Variants in TCAIM observed in about 807,000 individuals in gnomAD.
TCAIM encodes the protein T cell activation inhibitor, mitochondrial.
TCAIM carries 36 observed loss-of-function variants against 58.6 expected under a neutral mutation model. The observed-to-expected ratio is 0.61, with a 90% CI of 0.47 to 0.81. The LOEUF (loss-of-function observed/expected upper bound fraction) is 0.81. TCAIM is among the 30% of genes least tolerant of loss of function. The probability of loss-of-function intolerance (pLI) is 0.00; values close to 1 mark genes in which losing one functional copy is unlikely to be tolerated. For missense variants in TCAIM, 466 were observed against 579.6 expected (o/e 0.80, Z 2.01); for synonymous variants, 172 against 193.6 (o/e 0.89, Z 0.93).
intron 5 of TCAIM, among the ~76,000 whole-genome samples, chr3:44,387,773 G>A (rs972444844): frequency 2.6e-5 from 4 of 152,184 alleles, no homozygotes; most frequent in African/African-American, 9.7e-5. Flanking sequence ...CTCAGGCAAA[G>A]ACACTACCAA....
chr3:44,354,028 A>G (rs993039047), intron 1 of TCAIM, among the ~76,000 whole-genome samples: 4 of 152,092 alleles, frequency 2.6e-5, no homozygotes, highest in Admixed American at 6.6e-5. Context: ...CTCTTTTGTT[A>G]TCTTCTAGGA....
chr3:44,370,954 C>G (rs1425023696), intron 5 of TCAIM, among the ~76,000 whole-genome samples: 1 of 149,660 alleles, frequency 6.7e-6, no homozygotes, highest in Non-Finnish European at 1.5e-5. Context: ...CTCTGTTGCC[C>G]AGGCTGGAGT....
In TCAIM at chr3:44,361,443, C is replaced by G; in HGVS notation, c.244C>G (p.Pro82Ala). ...GAAACCAGGCTTCAAGTCTTTGAAA[C>G]CAACTCAGCTTACATTTTATGTAAG... The part of the protein sequence containing the change: ...LQKPGFKSLK[P>A]TQLTFYVRET... Residue 82 changes from proline to alanine, a missense_variant, in exon 4 of 11, where the codon CCA becomes GCA. Pro to Ala is a conservative substitution (Grantham distance 27). Coordinates refer to ENST00000342649, the MANE Select transcript of TCAIM (RefSeq NM_173826.4). 6.2e-7 allele frequency: 1 copy of G among 1,612,954 alleles called. No homozygotes were observed. The highest frequency in any genetic ancestry group is 8.5e-7 in the Non-Finnish European group (1 of 1,179,482).
chr3:44,385,310 AAG>A lies in TCAIM; in HGVS notation c.573-7539_573-7538del, dbSNP rs1415156240. The stretch of plus-strand genomic sequence containing the variant: ...AATGTCCTGATGGGTATGAGCTGAG[AAG>A]AGAGACTCTCACTTTACTGTAGATG... On this transcript the variant is annotated intron_variant, in intron 5 of 10. Transcript: ENST00000342649. 8.5e-5 allele frequency among the ~76,000 whole-genome samples: 13 copies of A among 152,348 alleles called. No homozygotes were observed. The South Asian group carries it at 2.7e-3, about 32-fold the overall frequency.
intron 5 of TCAIM, among the ~76,000 whole-genome samples, chr3:44,376,055 CAAA>C (rs2125642777): frequency 6.6e-6 from 1 of 152,286 alleles, no homozygotes; most frequent in South Asian, 2.1e-4. Context: ...CATGCTAAGT[CAAA>C]GAAGCTGATT....
intron 2 of TCAIM, among the ~76,000 whole-genome samples, chr3:44,357,191 G>T (rs1450407777): frequency 6.6e-6 from 1 of 151,960 alleles, no homozygotes; most frequent in African/African-American, 2.4e-5. Flanking sequence ...TATTACTTGA[G>T]GCCAGCAGTT....
In TCAIM at chr3:44,367,544, A is replaced by G. The variant is rs530816558; in HGVS notation, c.408A>G (p.Glu136=). ...TCAACTCCTGCAGTTTATCTGTTGAACATATCCAAAGCTTGAATACTAATA... is the reference window on the plus strand; with the variant it reads ...TCAACTCCTGCAGTTTATCTGTTGAGCATATCCAAAGCTTGAATACTAATA... The part of the protein sequence containing the change: ...YILNSCSLSV[E]HIQSLNTNMH... Residue 136 remains glutamate, a synonymous_variant, in exon 5 of 11, where the codon GAA becomes GAG. Transcript: ENST00000342649. The G allele has an allele frequency of 6.2e-7, 1 of 1,614,162 alleles. No homozygotes were observed. Among genetic ancestry groups the G allele is most frequent in the Admixed American group, 1.7e-5 (1 of 60,020 alleles).
intron 10 of TCAIM, among the ~76,000 whole-genome samples, chr3:44,401,592 CAGATGGAAA>C (rs2125657052): frequency 6.6e-6 from 1 of 152,210 alleles, no homozygotes; most frequent in South Asian, 2.1e-4. Flanking sequence ...AGGAATTTTC[CAGATGGAAA>C]AGACTGACAA....
chr3:44,406,440 C>T (rs1043757456), intron 10 of TCAIM, among the ~76,000 whole-genome samples: 36 of 151,914 alleles, frequency 2.4e-4, no homozygotes, highest in African/African-American at 8.5e-4. Context: ...GCAGAACCAT[C>T]AGCCCTGACT....
chr3:44,338,910 G>C (rs1194229334), intron 1 of TCAIM, 76 bp downstream of exon 1: 1 of 152,304 alleles, frequency 6.6e-6, no homozygotes, highest in East Asian at 1.9e-4. Flanking sequence ...GGAGGGGAGT[G>C]CTCAGAGCCA....
chr3:44,371,697 G>C (rs1405944990), intron 5 of TCAIM, among the ~76,000 whole-genome samples: 2 of 152,272 alleles, frequency 1.3e-5, no homozygotes, highest in African/African-American at 2.4e-5. Flanking sequence ...CATAGGCCCA[G>C]AGCCCCTTGA....
chr3:44,341,532 A>G (rs1040534891), intron 1 of TCAIM: 3 of 152,170 alleles, frequency 2.0e-5, no homozygotes, highest in Non-Finnish European at 4.4e-5. Context: ...AAAATTGCCT[A>G]CTACCTTGTG....
chr3:44,355,779 C>T (rs1701179212), intron 2 of TCAIM, among the ~76,000 whole-genome samples: 1 of 152,180 alleles, frequency 6.6e-6, no homozygotes, highest in Non-Finnish European at 1.5e-5. Flanking sequence ...GCTAACTGCT[C>T]CCTGGCCTTC....
rs1700788642 is a variant in TCAIM at position 44,338,833 on chromosome 3, C to G, written c.-46C>G. ...CCCTCGCGTCGGACCCTTGCCAGAA[C>G]TGTAAGGAGCAAGAGGGGAGGGGCT... is the stretch of plus-strand genomic sequence containing the variant. On this transcript the variant is annotated splice_region_variant and 5_prime_UTR_variant, in exon 1 of 11. Transcript: ENST00000342649. 6.6e-6 allele frequency: 1 copy of G among 152,286 alleles called. No individual in the cohort carries two copies. The allele number at this position is 152,286 out of a possible 1,614,324, so 9.4% of individuals were successfully genotyped here.
At chr3:44,395,794 A>G (rs1327206579) in intron 6 of TCAIM, among the ~76,000 whole-genome samples, 3 of 152,214 alleles carry the variant, frequency 2.0e-5, no homozygotes, top group African/African-American at 2.4e-5. Flanking sequence ...AGACCAGCCT[A>G]AGCAACATGG....
intron 5 of TCAIM, among the ~76,000 whole-genome samples, chr3:44,382,608 C>T (rs1296834035): frequency 6.6e-6 from 1 of 152,162 alleles, no homozygotes; most frequent in Non-Finnish European, 1.5e-5. Context: ...GGATCTTTGA[C>T]TGAAATGTAA....
intron 4 of TCAIM, among the ~76,000 whole-genome samples, chr3:44,366,838 A>G (rs1701385946): frequency 6.6e-6 from 1 of 151,924 alleles, no homozygotes; most frequent in Non-Finnish European, 1.5e-5. Flanking sequence ...CTGAGTTCAT[A>G]ATCCACCCAC....
At chr3:44,366,089 T>C (rs936850720) in intron 4 of TCAIM, among the ~76,000 whole-genome samples, 2 of 152,206 alleles carry the variant, frequency 1.3e-5, no homozygotes, top group Non-Finnish European at 2.9e-5. Context: ...TCATTCTTAA[T>C]CTATGTTCCT....
intron 3 of TCAIM, chr3:44,359,916 G>A (rs193166174): frequency 2.6e-5 from 4 of 152,192 alleles, no homozygotes; most frequent in South Asian, 2.1e-4. Flanking sequence ...TTACATTTTC[G>A]TGTTATCTTT....
Sources: allele counts gnomAD v4.1 joint callset (sites outside exome capture counted in the v4.1 genomes callset), GRCh38; gene constraint gnomAD v4.1.1; transcripts MANE v1.5; gene names NCBI Gene and HGNC (gene_info 2026-07-23, HGNC 2026-07-21).